The following PGR variants were observed in gnomAD, a reference collection of about 807,000 sequenced individuals.
PGR encodes progesterone receptor.
In PGR, 25 loss-of-function variants were observed where a neutral mutation model predicts 76.1. That is an observed-to-expected ratio of 0.33 (90% CI 0.24 to 0.46). PGR has a LOEUF of 0.46. PGR is among the 20% of genes least tolerant of loss of function. The pLI is 1.00. For synonymous variants in PGR, 579 were observed against 535.0 expected (o/e 1.08, Z -1.14); for missense variants, 1,172 against 1,225.3 (o/e 0.96, Z 0.65).
chr11:101,078,727 A>G (rs934882256), intron 3 of PGR, among the ~76,000 whole-genome samples: 3 of 152,238 alleles, frequency 2.0e-5, no homozygotes, highest in African/African-American at 7.2e-5. Context: ...ACGGAAGCAG[A>G]TAAGAACAAA....
rs914537026 is a variant in PGR at position 101,129,517 on chromosome 11, C to T, written c.-447G>A. 14 of 210,056 alleles carry T rather than the reference C, an allele frequency of 6.7e-5. No homozygotes were observed. The highest frequency in any genetic ancestry group is 1.6e-3 in the Middle Eastern group (1 of 626). 13.0% of individuals were successfully genotyped at this position (210,056 alleles called of 1,614,324 possible). A position where few individuals can be genotyped will look rare whatever the true frequency, so the allele number is the denominator to read the frequency against. On this transcript the variant is annotated 5_prime_UTR_variant, in exon 1 of 8. Coordinates refer to ENST00000325455, the MANE Select transcript of PGR (RefSeq NM_000926.4). ...CCGACTTTTTCTCTGGCATCAAACT[C>T]GTGCATGCTGTGAAGCTCTCAGTCC...
chr11:101,094,661 A>G (rs1246846374), intron 2 of PGR, among the ~76,000 whole-genome samples: 1 of 152,260 alleles, frequency 6.6e-6, no homozygotes, highest in Non-Finnish European at 1.5e-5. Flanking sequence ...TGTACAAATT[A>G]TATCATGAAT....
At chr11:101,089,333 G>A (rs1310455459) in intron 3 of PGR, among the ~76,000 whole-genome samples, 1 of 152,156 alleles carries the variant, frequency 6.6e-6, no homozygotes. Flanking sequence ...GTATATTAAT[G>A]TCTTTTAGAA....
At chr11:101,058,062 G>A (rs958758708) in intron 4 of PGR, among the ~76,000 whole-genome samples, 1 of 152,090 alleles carries the variant, frequency 6.6e-6, no homozygotes, top group East Asian at 1.9e-4. Context: ...CACAGGAGTC[G>A]GGAAATGTAC....
Position 101,062,613 on chromosome 11 carries a change from C to T in PGR, c.2046G>A (p.Gln682=), listed in dbSNP as rs111810948. 6.2e-7 allele frequency: 1 copy of T among 1,614,044 alleles called. No homozygotes were observed. The highest frequency in any genetic ancestry group is 1.1e-5 in the South Asian group (1 of 91,078). ...ACAGGTTGATCAGTGGTGGAATCAA[C>T]TGTATGTCTTGACCTGGTGAAAAAG... ...RFTFSPGQDI[Q]LIPPLINLLM... Residue 682 remains glutamine (Q), a synonymous_variant, in exon 4 of 8, where the codon CAG becomes CAA. Coordinates refer to ENST00000325455, the MANE Select transcript of PGR (RefSeq NM_000926.4).
chr11:101,075,577 A>G (rs1042429192), intron 3 of PGR, among the ~76,000 whole-genome samples: 2 of 151,950 alleles, frequency 1.3e-5, no homozygotes, highest in Non-Finnish European at 2.9e-5. Context: ...TCCATCTAAC[A>G]AAGGACTACT....
chr11:101,048,580 A>C (rs1859972772), intron 6 of PGR, among the ~76,000 whole-genome samples: 1 of 152,178 alleles, frequency 6.6e-6, no homozygotes, highest in South Asian at 2.1e-4. Flanking sequence ...CAGAAGAGGC[A>C]TAGTAAAAAT....
rs1427608846 is a variant in PGR, at chr11:101,050,195, TAAAC to T, written c.2358-140_2358-137del. On this transcript the variant is annotated intron_variant, in intron 5 of 7. Coordinates refer to ENST00000325455, the MANE Select transcript of PGR (RefSeq NM_000926.4). ...TATTGAAAATGACTACTACTTTTAA[TAAAC>T]AAACCCAATATTTGGAATTTTAAAC... The T allele has an allele frequency of 5.3e-5, 44 of 832,286 alleles. 1 individual carries two copies. In the Middle Eastern group the frequency reaches 4.2e-3, roughly 80 times the overall value. The allele number at this position is 832,286 out of a possible 1,614,324, so 51.6% of individuals were successfully genotyped here. A position where few individuals can be genotyped will look rare whatever the true frequency, so the allele number is the denominator to read the frequency against.
At position 101,115,082 on chromosome 11, in the gene PGR, A is replaced by G. The variant is rs115308396; in HGVS notation, c.1789+10925T>C. 1.2e-3 allele frequency among the ~76,000 whole-genome samples: 185 copies of G among 152,280 alleles called. 1 individual carries two copies. Among genetic ancestry groups the G allele is most frequent in the African/African-American group, 4.1e-3 (169 of 41,550 alleles). ...ACTGATCTCTTTCAAAACCTCATGA[A>G]AAGAATTATCCTAGAAAAAACACAA... On this transcript the variant is annotated intron_variant, in intron 2 of 7. Transcript: ENST00000325455.
At chr11:101,041,433 A>G (rs1227445458) in intron 7 of PGR, among the ~76,000 whole-genome samples, 1 of 152,074 alleles carries the variant, frequency 6.6e-6, no homozygotes, top group Non-Finnish European at 1.5e-5. Context: ...CCCCTCTGCT[A>G]TGGTGAACAT....
At chr11:101,089,983 G>C (rs1460418593) in intron 3 of PGR, among the ~76,000 whole-genome samples, 2 of 152,154 alleles carry the variant, frequency 1.3e-5, no homozygotes, top group African/African-American at 4.8e-5. Flanking sequence ...CAGATCACCT[G>C]AGGTCAGGAG....
chr11:101,058,261 G>C (rs547514070), intron 4 of PGR, among the ~76,000 whole-genome samples: 1 of 152,244 alleles, frequency 6.6e-6, no homozygotes, highest in South Asian at 2.1e-4. Flanking sequence ...GTGGAATAGG[G>C]TGTGAGAAAA....
In PGR at chr11:101,029,936, A is replaced by T; in HGVS notation, c.*9180T>A. ...TTTGCATTGTCACCCCATCACTGCC[A>T]GGGACCCAGCCCCAGGCATACACAG... is the stretch of plus-strand genomic sequence containing the variant. On this transcript the variant is annotated 3_prime_UTR_variant, in exon 8 of 8. Transcript: ENST00000325455. The T allele has an allele frequency of 4.4e-6, 1 of 225,298 alleles. No homozygotes were observed. The highest frequency in any genetic ancestry group is 8.8e-6 in the Non-Finnish European group (1 of 113,068). 14.0% of individuals were successfully genotyped at this position (225,298 alleles called of 1,614,324 possible).
intron 2 of PGR, among the ~76,000 whole-genome samples, chr11:101,121,556 G>A (rs1174828064): frequency 6.6e-6 from 1 of 152,194 alleles, no homozygotes; most frequent in Non-Finnish European, 1.5e-5. Flanking sequence ...AGTTTCCTCT[G>A]CAGTCTATTT....
Position 101,127,834 on chromosome 11 carries a change from C to T in PGR, c.1237G>A (p.Ala413Thr). ...SYLVAGANPA[A>T]FPDFPLGPPP... Reference sequence around the variant, plus strand: ...GGCCCCAACGGGAAATCCGGGAAGGCTGCGGGGTTGGCACCGGCCACAAGG... The same window carrying T: ...GGCCCCAACGGGAAATCCGGGAAGGTTGCGGGGTTGGCACCGGCCACAAGG... The change falls in exon 1 of 8, where the codon GCC becomes ACC. Residue 413 changes from alanine to threonine, a missense_variant. Physicochemically the swap from Ala to Thr is moderately conservative, Grantham distance 58. Transcript: ENST00000325455. 6.3e-7 allele frequency: 1 copy of T among 1,581,442 alleles called. No homozygotes were observed. The highest frequency in any genetic ancestry group is 8.5e-7 in the Non-Finnish European group (1 of 1,170,618).
In PGR at chr11:101,038,319, T is replaced by C. The variant is rs972309643; in HGVS notation, c.*797A>G. ...CAGTAAGAGTGACTAACTTTCAGCA[T>C]GCCACAGTTGGTAAGGAGTACAGTT... is the stretch of plus-strand genomic sequence containing the variant. On this transcript the variant is annotated 3_prime_UTR_variant, in exon 8 of 8. Transcript: ENST00000325455. The C allele has an allele frequency of 2.9e-5, 6 of 205,462 alleles. No homozygotes were observed. The highest frequency in any genetic ancestry group is 1.4e-4 in the African/African-American group (6 of 43,888). 12.7% of individuals were successfully genotyped at this position (205,462 alleles called of 1,614,324 possible).
chr11:101,058,026 A>C (rs1860354629), intron 4 of PGR, among the ~76,000 whole-genome samples: 2 of 152,224 alleles, frequency 1.3e-5, no homozygotes, highest in South Asian at 4.1e-4. Flanking sequence ...AAACAAATTT[A>C]TAGTGTGGGT....
chr11:101,110,334 A>G (rs1405773104), intron 2 of PGR, among the ~76,000 whole-genome samples: 1 of 152,236 alleles, frequency 6.6e-6, no homozygotes, highest in African/African-American at 2.4e-5. Context: ...TTTGTGGTTA[A>G]TCGGAGAAAG....
intron 2 of PGR, among the ~76,000 whole-genome samples, chr11:101,107,878 AAAG>A (rs1328335360): frequency 6.8e-6 from 1 of 146,022 alleles, no homozygotes; most frequent in Non-Finnish European, 1.5e-5. Flanking sequence ...AAAAAAAAAA[AAAG>A]AAAGAAAAAG....
Sources: allele counts gnomAD v4.1 joint callset (sites outside exome capture counted in the v4.1 genomes callset), GRCh38; gene constraint gnomAD v4.1.1; transcripts MANE v1.5; gene names NCBI Gene and HGNC (gene_info 2026-07-23, HGNC 2026-07-21).